Variants in CREB5 observed in about 807,000 individuals in gnomAD.
CREB5 encodes cAMP responsive element binding protein 5.
CREB5 carries 19 observed loss-of-function variants against 57.1 expected under a neutral mutation model. The ratio of observed to expected loss-of-function variants is 0.33; its 90% CI spans 0.23 to 0.49. The LOEUF (loss-of-function observed/expected upper bound fraction) is 0.49, where lower values mean the gene tolerates loss of function less well. Among genes scored for constraint, CREB5 ranks in the 20% least tolerant of loss-of-function variants. The probability of loss-of-function intolerance (pLI) is 0.99; values close to 1 mark genes in which losing one functional copy is unlikely to be tolerated. For synonymous variants in CREB5, 238 were observed against 238.3 expected, an observed-to-expected ratio of 1.00 and a Z score of 0.01; for missense variants, 579 against 671.6, an observed-to-expected ratio of 0.86 and a Z score of 1.52.
intron 1 of CREB5, among the ~76,000 whole-genome samples, chr7:28,333,899 T>C (rs1170063944): frequency 6.6e-6 from 1 of 152,242 alleles, no homozygotes; most frequent in South Asian, 2.1e-4. Context: ...TCCTTTCTTT[T>C]GGGTATATAC....
chr7:28,299,806 TG>T (rs1785068755), intron 1 of CREB5, among the ~76,000 whole-genome samples: 2 of 152,224 alleles, frequency 1.3e-5, no homozygotes, highest in South Asian at 4.1e-4. Context: ...TGCAATGTTG[TG>T]TTACCAAAGT....
chr7:28,816,055 G>GCACA (rs34917973), intron 9 of CREB5, among the ~76,000 whole-genome samples: 3,897 of 145,302 alleles, frequency 0.027, 71 homozygotes, highest in African/African-American at 0.048. Context: ...AAATATATAC[G>GCACA]CACACACACA....
chr7:28,524,185 G>T (rs372701037), intron 4 of CREB5, among the ~76,000 whole-genome samples: 1 of 152,142 alleles, frequency 6.6e-6, no homozygotes, highest in African/African-American at 2.4e-5. Flanking sequence ...TCCTTTTAAA[G>T]AAATTTGCTG....
chr7:28,560,911 T>TGTGTGTGC (rs1554344471), intron 4 of CREB5, among the ~76,000 whole-genome samples: 2,465 of 35,884 alleles, frequency 0.069, 463 homozygotes, highest in Non-Finnish European at 0.082. Context: ...CGCGCGTGCG[T>TGTGTGTGC]GTGCGTGTGT....
At chr7:28,795,808 A>G (rs1035733937) in intron 7 of CREB5, among the ~76,000 whole-genome samples, 61 of 144,352 alleles carry the variant, frequency 4.2e-4, no homozygotes, top group African/African-American at 1.6e-3. Flanking sequence ...GCTGGAGTGC[A>G]GTGGCATGAT....
intron 9 of CREB5, among the ~76,000 whole-genome samples, chr7:28,814,697 T>C (rs150331099): frequency 1.3e-5 from 2 of 152,298 alleles, no homozygotes; most frequent in Non-Finnish European, 2.9e-5. Flanking sequence ...TTTCTGGAAG[T>C]AGTTCAACCA....
intron 3 of CREB5, among the ~76,000 whole-genome samples, chr7:28,502,302 G>A (rs1792306761): frequency 6.6e-6 from 1 of 151,772 alleles, no homozygotes; most frequent in African/African-American, 2.4e-5. Flanking sequence ...TCTTAAATTA[G>A]GGCTCTATTA....
chr7:28,738,478 T>C (rs557833414), intron 7 of CREB5, among the ~76,000 whole-genome samples: 16 of 152,224 alleles, frequency 1.1e-4, no homozygotes, highest in Admixed American at 2.0e-4. Context: ...AAAAACCTGA[T>C]TATTTTCAAA....
intron 5 of CREB5, among the ~76,000 whole-genome samples, chr7:28,654,860 G>A (rs1007336529): frequency 1.3e-5 from 2 of 152,100 alleles, no homozygotes; most frequent in African/African-American, 4.8e-5. Context: ...CGTGACCTTT[G>A]GAGCAGAGGA....
At chr7:28,621,110 C>T (rs111842034) in intron 5 of CREB5, among the ~76,000 whole-genome samples, 8 of 150,474 alleles carry the variant, frequency 5.3e-5, no homozygotes, top group African/African-American at 9.8e-5. Flanking sequence ...TGCAGTGAGA[C>T]GAGGACAGCC....
chr7:28,622,204 C>A (rs942035456), intron 5 of CREB5, among the ~76,000 whole-genome samples: 1 of 151,944 alleles, frequency 6.6e-6, no homozygotes, highest in Non-Finnish European at 1.5e-5. Context: ...TGGCACATTT[C>A]TCTTTCCGCA....
chr7:28,737,541 A>ATG (rs1490914870), intron 7 of CREB5, among the ~76,000 whole-genome samples: 75 of 5,372 alleles, frequency 0.014, no homozygotes, highest in African/African-American at 0.038. Flanking sequence ...ATATATACGT[A>ATG]TATATATATA....
intron 5 of CREB5, among the ~76,000 whole-genome samples, chr7:28,592,196 A>C (rs920571345): frequency 6.6e-6 from 1 of 152,330 alleles, no homozygotes; most frequent in African/African-American, 2.4e-5. Flanking sequence ...TTCCTGTTTT[A>C]ATTCGGTAAC....
intron 5 of CREB5, among the ~76,000 whole-genome samples, chr7:28,603,177 G>T (rs1000829038): frequency 1.8e-4 from 28 of 152,196 alleles, no homozygotes; most frequent in African/African-American, 6.7e-4. Context: ...GGCCTAATTG[G>T]CTGACTGCTC....
intron 4 of CREB5, among the ~76,000 whole-genome samples, chr7:28,532,485 T>G (rs1793771982): frequency 6.6e-6 from 1 of 152,204 alleles, no homozygotes; most frequent in Admixed American, 6.5e-5. Context: ...ACCCCAACCC[T>G]GGAAAAGCAA....
At chr7:28,483,125 G>A (rs1791402960) in intron 1 of CREB5, among the ~76,000 whole-genome samples, 1 of 152,182 alleles carries the variant, frequency 6.6e-6, no homozygotes, top group South Asian at 2.1e-4. Flanking sequence ...GTTTACAATA[G>A]GTATTTACAG....
chr7:28,456,035 G>T (rs1790080909), intron 1 of CREB5, among the ~76,000 whole-genome samples: 1 of 152,154 alleles, frequency 6.6e-6, no homozygotes, highest in African/African-American at 2.4e-5. Context: ...GGGGACCATC[G>T]CATTTTCTCT....
chr7:28,616,113 C>G (rs1191003491), intron 5 of CREB5, among the ~76,000 whole-genome samples: 1 of 152,074 alleles, frequency 6.6e-6, no homozygotes, highest in Admixed American at 6.6e-5. Flanking sequence ...TTCTCTGTTT[C>G]TTGTATCTCT....
chr7:28,487,764 C>T (rs1339835080), intron 1 of CREB5, among the ~76,000 whole-genome samples: 1 of 152,140 alleles, frequency 6.6e-6, no homozygotes, highest in East Asian at 1.9e-4. Flanking sequence ...TGCCATTCCT[C>T]TTGCTGTCCT....
Sources: allele counts gnomAD v4.1 joint callset (sites outside exome capture counted in the v4.1 genomes callset), GRCh38; gene constraint gnomAD v4.1.1; transcripts MANE v1.5; gene names NCBI Gene and HGNC (gene_info 2026-07-23, HGNC 2026-07-21).